Variants in OVCH1 observed in about 807,000 individuals in gnomAD.
OVCH1 encodes the protein ovochymase-1.
Under a neutral mutation model 138.4 loss-of-function variants are expected in OVCH1, and 139 were observed. The ratio of observed to expected loss-of-function variants is 1.00; its 90% confidence interval spans 0.87 to 1.16. The LOEUF (loss-of-function observed/expected upper bound fraction) is 1.16, where lower values mean the gene tolerates loss of function less well. Among genes scored for constraint, OVCH1 ranks in the 50% most tolerant of loss-of-function variants. The pLI is 0.00. For synonymous variants in OVCH1, 453 were observed against 467.8 expected (o/e 0.97, Z 0.41); for missense variants, 1,367 against 1,357.9 (o/e 1.01, Z -0.11).
At chr12:29,461,648 C>A in intron 19 of OVCH1, 1 of 662,024 alleles carries the variant, frequency 1.5e-6, no homozygotes, top group Non-Finnish European at 2.7e-6. Context: ...TGTCGCTGTA[C>A]AGCTGCTTCC....
Position 29,455,424 on chromosome 12 carries a change from A to G in OVCH1, c.2281-19T>C, listed in dbSNP as rs1206435599. The stretch of plus-strand genomic sequence containing the variant: ...AGTCTCCCTGAAACACCAAGAAAAC[A>G]TGTTTTAGAAAACTGCTTTAATCTG... On this transcript the variant is annotated intron_variant, in intron 19 of 27. Coordinates refer to ENST00000318184, the Ensembl canonical transcript of OVCH1. 5 of 1,582,304 alleles carry G rather than the reference A, an allele frequency of 3.2e-6. No individual in the cohort carries two copies. The highest frequency in any genetic ancestry group is 1.4e-5 in the African/African-American group (1 of 73,284).
intron 4 of OVCH1, among the ~76,000 whole-genome samples, 194 bp downstream of exon 4, chr12:29,495,087 CATAA>C (rs550397206): frequency 8.5e-4 from 129 of 152,240 alleles, no homozygotes; most frequent in Non-Finnish European, 1.7e-3. Context: ...TTAGGTTAAG[CATAA>C]ATAATTTGTG....
chr12:29,446,819 G>A (rs1941629107), intron 22 of OVCH1, among the ~76,000 whole-genome samples: 2 of 148,766 alleles, frequency 1.3e-5, no homozygotes, highest in African/African-American at 4.9e-5. Context: ...GATTTTTAAA[G>A]TTTTTTTTTT....
At chr12:29,455,746 A>G (rs1941932763) in intron 19 of OVCH1, among the ~76,000 whole-genome samples, 2 of 152,240 alleles carry the variant, frequency 1.3e-5, no homozygotes, top group African/African-American at 4.8e-5. Context: ...GATTTCAAGC[A>G]TCTTTTTAAA....
chr12:29,403,973 A>G, the OVCH1 span, among the ~76,000 whole-genome samples: 301 of 152,364 alleles, frequency 2.0e-3, 2 homozygotes, highest in African/African-American at 6.9e-3. Flanking sequence ...CCCAGGAGGC[A>G]TGAAACAACA....
chr12:29,495,146 AC>A (rs1182253947), intron 4 of OVCH1, 138 bp downstream of exon 4: 24 of 862,558 alleles, frequency 2.8e-5, no homozygotes, highest in Admixed American at 8.3e-5. Context: ...TAGGTTATAG[AC>A]CGAACAAAAT....
intron 12 of OVCH1, among the ~76,000 whole-genome samples, chr12:29,476,763 A>ATG (rs1942740389): frequency 6.2e-5 from 3 of 48,224 alleles, no homozygotes; most frequent in East Asian, 1.2e-3. Context: ...GCGCACACAC[A>ATG]CACACACACA....
chr12:29,490,876 C>T (rs982106595), intron 5 of OVCH1, among the ~76,000 whole-genome samples: 1 of 152,172 alleles, frequency 6.6e-6, no homozygotes, highest in Non-Finnish European at 1.5e-5. Context: ...ATCCAGCTTC[C>T]TTTATCTGCC....
intron 4 of OVCH1, among the ~76,000 whole-genome samples, chr12:29,493,305 C>CTT (rs1366215296): frequency 1.3e-5 from 2 of 152,042 alleles, no homozygotes; most frequent in South Asian, 4.2e-4. Flanking sequence ...GGTAATGTGT[C>CTT]TTTTTCCTTC....
At chr12:29,421,470 C>T (rs923258648) in intron 3 of OVCH1, among the ~76,000 whole-genome samples, 1 of 151,980 alleles carries the variant, frequency 6.6e-6, no homozygotes, top group African/African-American at 2.4e-5. Context: ...ATAAAGTTAA[C>T]TAAAATATTA....
chr12:29,475,015 C>T (rs1199444252), intron 14 of OVCH1, 46 bp downstream of exon 14: 2 of 1,543,312 alleles, frequency 1.3e-6, no homozygotes, highest in African/African-American at 1.4e-5. Context: ...TCCCTGTAAC[C>T]ATTTGCATAA....
downstream of OVCH1, chr12:29,426,211 A>AATC (rs1565564828): frequency 2.6e-5 from 4 of 152,332 alleles, no homozygotes; most frequent in Admixed American, 2.6e-4. Flanking sequence ...ACAATTATTT[A>AATC]ATCTCACCAT....
In OVCH1 at chr12:29,455,293, G is replaced by T. The variant is rs1479819870; in HGVS notation, c.2393C>A (p.Ala798Asp). The T allele has an allele frequency of 1.4e-5, 23 of 1,613,722 alleles. No individual in the cohort carries two copies. In the East Asian group the frequency reaches 5.1e-4, roughly 36 times the overall value. ...CCAGTCCAAGAAGATCATCACTCTG[G>T]CAAATACACCCGGCTTCCATGGCTG... The change falls in exon 20 of 28, where the codon GCC (alanine) becomes GAC (aspartate). Residue 798 changes from alanine (A) to aspartate (D), a missense_variant. Ala to Asp is a moderately radical substitution (Grantham distance 126, BLOSUM62 -2). Coordinates refer to ENST00000318184, the Ensembl canonical transcript of OVCH1.
At chr12:29,437,334 G>T (rs1218561809) in intron 26 of OVCH1, among the ~76,000 whole-genome samples, 2 of 152,126 alleles carry the variant, frequency 1.3e-5, no homozygotes, top group South Asian at 2.1e-4. Context: ...TTGTAATATG[G>T]AATTGGTTAG....
chr12:29,438,141 T>A (rs1334414185), intron 26 of OVCH1, among the ~76,000 whole-genome samples: 1 of 152,208 alleles, frequency 6.6e-6, no homozygotes, highest in African/African-American at 2.4e-5. Context: ...TAACTACCAA[T>A]ATTTTCCACT....
At chr12:29,476,877 A>T (rs116411048) in intron 12 of OVCH1, among the ~76,000 whole-genome samples, 1 of 151,926 alleles carries the variant, frequency 6.6e-6, no homozygotes, top group Admixed American at 6.6e-5. Context: ...CAGGGGTAGA[A>T]TGGGAATCTG....
At chr12:29,497,539 C>T (rs1943452532) in intron 1 of OVCH1, 84 bp downstream of exon 1, 2 of 1,529,054 alleles carry the variant, frequency 1.3e-6, no homozygotes, top group Non-Finnish European at 1.8e-6. Context: ...ACCCCGACTT[C>T]CTGAGGCAAG....
At chr12:29,485,908 G>A (rs367827668) in intron 8 of OVCH1, among the ~76,000 whole-genome samples, 10 of 151,274 alleles carry the variant, frequency 6.6e-5, no homozygotes, top group Admixed American at 3.3e-4. Flanking sequence ...GCTTGCCACC[G>A]CACTCCAGCC....
chr12:29,480,686 G>C (rs1224788867), intron 8 of OVCH1, among the ~76,000 whole-genome samples: 1 of 152,040 alleles, frequency 6.6e-6, no homozygotes, highest in East Asian at 1.9e-4. Flanking sequence ...AGGGCAACCT[G>C]GGTGGTATCT....
Sources: allele counts gnomAD v4.1 joint callset (sites outside exome capture counted in the v4.1 genomes callset), GRCh38; gene constraint gnomAD v4.1.1; transcripts MANE v1.5; gene names NCBI Gene and HGNC (gene_info 2026-07-23, HGNC 2026-07-21).